Variants in SLC38A11 observed in about 807,000 individuals in gnomAD.
SLC38A11 encodes the protein solute carrier family 38 member 11.
Under a neutral mutation model 49.4 loss-of-function variants are expected in SLC38A11, and 51 were observed. The observed-to-expected ratio is 1.03, with a 90% CI of 0.83 to 1.30. The LOEUF (loss-of-function observed/expected upper bound fraction) is 1.30, where lower values mean the gene tolerates loss of function less well. Among genes scored for constraint, SLC38A11 ranks in the 50% most tolerant of loss-of-function variants. The pLI is 0.00. For synonymous variants in SLC38A11, 203 were observed against 192.9 expected, an observed-to-expected ratio of 1.05 and a Z score of -0.43; for missense variants, 574 against 556.2, an observed-to-expected ratio of 1.03 and a Z score of -0.32.
In SLC38A11 at chr2:164,915,277, C is replaced by T. The variant is rs767712388; in HGVS notation, c.689-4G>A. 6.4e-7 allele frequency: 1 copy of T among 1,570,342 alleles called. No individual in the cohort carries two copies. The highest frequency in any genetic ancestry group is 8.6e-7 in the Non-Finnish European group (1 of 1,165,464). On this transcript the variant is annotated splice_polypyrimidine_tract_variant and splice_region_variant and intron_variant, in intron 8 of 11. Coordinates refer to ENST00000685975, the MANE Select transcript of SLC38A11 (RefSeq NM_001351537.2). ...GAGTTATGGTGGCAAATAAATGCTG[C>T]AATACAAAAAAAAAGAGCATTATTA...
At chr2:164,952,224 A>C (rs1033755518) in intron 3 of SLC38A11, among the ~76,000 whole-genome samples, 1 of 152,208 alleles carries the variant, frequency 6.6e-6, no homozygotes, top group Non-Finnish European at 1.5e-5. Context: ...ATTTAAAGAC[A>C]GTAGCAGGCA....
chr2:164,943,172 G>A lies in SLC38A11; in HGVS notation c.430+1397C>T, dbSNP rs559148486. On this transcript the variant is annotated intron_variant, in intron 5 of 11. Coordinates refer to ENST00000685975, the MANE Select transcript of SLC38A11 (RefSeq NM_001351537.2). Reference sequence around the variant, plus strand: ...AATGAAATGGGGATTATGTAGCTTGGATGAGAAGCTCTTCAAAGCAAAAAG... The same window carrying A: ...AATGAAATGGGGATTATGTAGCTTGAATGAGAAGCTCTTCAAAGCAAAAAG... Among the ~76,000 whole-genome samples, 22 of 152,284 alleles carry A rather than the reference G, an allele frequency of 1.4e-4. No homozygotes were observed. The East Asian group carries it at 3.7e-3, about 25-fold the overall frequency.
chr2:164,923,503 GC>G (rs145013519), intron 7 of SLC38A11, among the ~76,000 whole-genome samples: 11,802 of 152,080 alleles, frequency 0.078, 486 homozygotes, highest in Admixed American at 0.11. Flanking sequence ...TCAGAGAAAT[GC>G]AAATCAAAAC....
At chr2:164,922,301 T>A (rs780294124) in intron 7 of SLC38A11, 1 of 152,224 alleles carries the variant, frequency 6.6e-6, no homozygotes, top group African/African-American at 2.4e-5. Context: ...AAGAGCCTCA[T>A]GTTTTTAGTC....
rs770629762 is a variant in SLC38A11, at chr2:164,945,729, T to C, written c.230-2A>G. The C allele has an allele frequency of 6.2e-7, 1 of 1,603,342 alleles. No homozygotes were observed. Among genetic ancestry groups the C allele is most frequent in the South Asian group, 1.1e-5 (1 of 87,888 alleles). On this transcript the variant is annotated splice_acceptor_variant, in intron 3 of 11. Coordinates refer to ENST00000685975, the MANE Select transcript of SLC38A11 (RefSeq NM_001351537.2). LOFTEE classifies it high-confidence loss of function. ...TTATCAATAAAACAAGGGAAAAGTC[T>C]GTGGCAAGAACATCAATTAAATGTC...
intron 3 of SLC38A11, among the ~76,000 whole-genome samples, chr2:164,946,305 C>T (rs150238747): frequency 0.016 from 2,492 of 152,146 alleles, 19 homozygotes; most frequent in Middle Eastern, 0.037. Flanking sequence ...CAGTGGCTCA[C>T]GCTTGTAATC....
chr2:164,938,618 A>G (rs1382825484), intron 6 of SLC38A11, among the ~76,000 whole-genome samples: 1 of 152,164 alleles, frequency 6.6e-6, no homozygotes, highest in Non-Finnish European at 1.5e-5. Context: ...ACTATTAGGG[A>G]TGGTCAGAAT....
chr2:164,931,153 T>A (rs1327621861), intron 7 of SLC38A11, among the ~76,000 whole-genome samples: 1 of 148,098 alleles, frequency 6.8e-6, no homozygotes, highest in Non-Finnish European at 1.5e-5. Context: ...CCATTCACAA[T>A]TGCCACACAC....
chr2:164,899,325 A>C (rs1684505626), intron 11 of SLC38A11, among the ~76,000 whole-genome samples: 1 of 152,148 alleles, frequency 6.6e-6, no homozygotes. Context: ...TTACTGAGAA[A>C]GTTGACAGCA....
chr2:164,936,535 T>C (rs965510605), intron 7 of SLC38A11, among the ~76,000 whole-genome samples: 2 of 152,190 alleles, frequency 1.3e-5, no homozygotes, highest in Non-Finnish European at 2.9e-5. Flanking sequence ...TCTTTGCCTC[T>C]TTAGAGAAAA....
chr2:164,939,424 A>G (rs1446714873), intron 6 of SLC38A11, 26 bp downstream of exon 6: 3 of 1,480,686 alleles, frequency 2.0e-6, no homozygotes, highest in African/African-American at 1.4e-5. Flanking sequence ...GTACATTTCT[A>G]TGCCCATTTA....
At chr2:164,941,340 A>T (rs1242566577) in intron 5 of SLC38A11, among the ~76,000 whole-genome samples, 1 of 152,164 alleles carries the variant, frequency 6.6e-6, no homozygotes, top group Non-Finnish European at 1.5e-5. Flanking sequence ...AAGTATAAGC[A>T]ATTGTCTACT....
In SLC38A11 at chr2:164,915,111, C is replaced by G. The variant is rs1212779456; in HGVS notation, c.850+1G>C. The G allele has an allele frequency of 1.9e-6, 3 of 1,603,056 alleles. No individual in the cohort carries two copies. Among genetic ancestry groups the G allele is most frequent in the African/African-American group, 2.7e-5 (2 of 74,226 alleles). The stretch of plus-strand genomic sequence containing the variant: ...CACTATAACTGAATCTCTCATTTTA[C>G]CTTGGGTGAAGCCAGTAAATGTCAA... On this transcript the variant is annotated splice_donor_variant, in intron 9 of 11. Transcript: ENST00000685975. LOFTEE classifies it high-confidence loss of function.
rs186177035 is a variant in SLC38A11 at position 164,905,179 on chromosome 2, G to A, written c.1095+3461C>T. Among the ~76,000 whole-genome samples the A allele has an allele frequency of 8.6e-5, 13 of 151,856 alleles. No individual in the cohort carries two copies. The South Asian group carries it at 1.9e-3, about 22-fold the overall frequency. ...GTCACCCAGGCTAGAGTGCACTGGC[G>A]CAATCTTGGCTCACTGCAACTTCCG... is the stretch of plus-strand genomic sequence containing the variant. On this transcript the variant is annotated intron_variant, in intron 11 of 11. Coordinates refer to ENST00000685975, the MANE Select transcript of SLC38A11 (RefSeq NM_001351537.2).
At chr2:164,914,971 G>A (rs1685668353) in intron 9 of SLC38A11, 141 bp downstream of exon 9, 1 of 682,632 alleles carries the variant, frequency 1.5e-6, no homozygotes. Flanking sequence ...GACAGCAGGG[G>A]GGCAGGAGGG....
chr2:164,913,722 C>T (rs1285982319), intron 9 of SLC38A11, among the ~76,000 whole-genome samples: 1 of 151,990 alleles, frequency 6.6e-6, no homozygotes, highest in Non-Finnish European at 1.5e-5. Flanking sequence ...CAGACCAGAG[C>T]CCATAGGCCA....
Position 164,954,627 on chromosome 2 carries a change from TTACCTATTA to T in SLC38A11, c.149_154+3del. ...AAAATTTAAACCAAAGCAAATACAC[TTACCTATTA>T]TACCAGATCCTATAATCGAGTTGAC... is the stretch of plus-strand genomic sequence containing the variant. On this transcript the variant is annotated splice_donor_variant and splice_donor_region_variant and coding_sequence_variant and intron_variant, in exon 2 of 12. Coordinates refer to ENST00000685975, the MANE Select transcript of SLC38A11 (RefSeq NM_001351537.2). LOFTEE classifies it high-confidence loss of function. The T allele has an allele frequency of 6.9e-7, 1 of 1,446,272 alleles. No homozygotes were observed. Among genetic ancestry groups the T allele is most frequent in the Non-Finnish European group, 9.3e-7 (1 of 1,076,842 alleles). 89.6% of individuals were successfully genotyped at this position (1,446,272 alleles called of 1,614,324 possible).
At chr2:164,931,241 C>CAAAAAAAAAAAAAAAAAAAAACAAAAA (rs71028455) in intron 7 of SLC38A11, among the ~76,000 whole-genome samples, 1 of 74,786 alleles carries the variant, frequency 1.3e-5, no homozygotes, top group Non-Finnish European at 2.5e-5. Context: ...TGATCCCCCA[C>CAAAAAAAAAAAAAAAAAAAAACAAAAA]AAAAAAAAAA....
Position 164,898,535 on chromosome 2 carries a change from A to C in SLC38A11, c.1291T>G (p.Tyr431Asp), listed in dbSNP as rs1684446990. 2 of 1,613,624 alleles carry C rather than the reference A, an allele frequency of 1.2e-6. No individual in the cohort carries two copies. The highest frequency in any genetic ancestry group is 1.3e-5 in the African/African-American group (1 of 75,030). The change falls in exon 12 of 12, where the codon TAC becomes GAC. Residue 431 changes from tyrosine to aspartate, a missense_variant. By Grantham distance (160) the Tyr-to-Asp change is radical. Transcript: ENST00000685975. ...QDCTHGQEMF[Y>D]CFPDNFSLTN... ...AGAGAGAAATTGTCAGGAAAGCAGT[A>C]GAACATTTCCTGCCCATGGGTGCAG...
Sources: gnomAD v4.1 joint callset for allele counts (sites outside exome capture counted in the v4.1 genomes callset) on GRCh38, gnomAD v4.1.1 for gene constraint, MANE v1.5 for transcripts, NCBI Gene and HGNC (gene_info 2026-07-23, HGNC 2026-07-21) for gene names.